Variants in OPA1 observed in about 807,000 individuals in gnomAD.
OPA1 encodes the protein OPA1 mitochondrial dynamin like GTPase.
A neutral mutation model predicts 152.9 loss-of-function variants in OPA1; 59 were observed. The observed-to-expected ratio is 0.39, with a 90% CI of 0.31 to 0.48. The LOEUF (loss-of-function observed/expected upper bound fraction) is 0.48, where lower values mean the gene tolerates loss of function less well. Among genes scored for constraint, OPA1 ranks in the 20% least tolerant of loss-of-function variants. The pLI is 0.96. For synonymous variants in OPA1, 400 were observed against 389.9 expected, an observed-to-expected ratio of 1.03 and a Z score of -0.31; for missense variants, 1,008 against 1,216.8, an observed-to-expected ratio of 0.83 and a Z score of 2.55.
At chr3:193,648,687 C>A in intron 20 of OPA1, 108 bp from the exon 21 acceptor site, 1 of 767,516 alleles carries the variant, frequency 1.3e-6, no homozygotes, top group South Asian at 1.5e-5. Flanking sequence ...ATAATTAAAC[C>A]CAAATTCAGC....
At chr3:193,656,042 G>A (rs1209509749) in intron 22 of OPA1, among the ~76,000 whole-genome samples, 4 of 152,058 alleles carry the variant, frequency 2.6e-5, no homozygotes, top group African/African-American at 7.2e-5. Context: ...TAAGTTGCAC[G>A]TTGCTGAGCC....
chr3:193,643,384 A>G lies in OPA1; in HGVS notation c.1317A>G (p.Leu439=). The G allele has an allele frequency of 6.2e-7, 1 of 1,609,444 alleles. No homozygotes were observed. Among genetic ancestry groups the G allele is most frequent in the Non-Finnish European group, 8.5e-7 (1 of 1,175,784 alleles). ...GCTVSPETIS[L]NVKGPGLQRM... ...TTTTTCCTGAGTAGACCATATCCTT[A>G]AATGTAAAAGGCCCTGGACTACAGA... The change falls in exon 14 of 31, where the codon TTA becomes TTG. Residue 439 remains leucine (L), a synonymous_variant. Transcript: ENST00000361510.
chr3:193,688,219 C>G (rs1292144758), intron 29 of OPA1, among the ~76,000 whole-genome samples: 1 of 152,088 alleles, frequency 6.6e-6, no homozygotes, highest in Admixed American at 6.6e-5. Context: ...ACGCAGTGAT[C>G]AGGCCTTGTT....
chr3:193,639,749 A>G (rs1235126566), intron 11 of OPA1, among the ~76,000 whole-genome samples: 1 of 152,270 alleles, frequency 6.6e-6, no homozygotes, highest in Admixed American at 6.5e-5. Flanking sequence ...TTTTGAAAAT[A>G]GTTGTAGCCA....
intron 21 of OPA1, among the ~76,000 whole-genome samples, chr3:193,651,150 G>A (rs1321032815): frequency 6.6e-6 from 1 of 152,132 alleles, no homozygotes; most frequent in Non-Finnish European, 1.5e-5. Context: ...ATATTCAGAA[G>A]CTTAGTGTGT....
chr3:193,670,734 A>C (rs528001085), intron 29 of OPA1, among the ~76,000 whole-genome samples: 87 of 152,302 alleles, frequency 5.7e-4, no homozygotes, highest in African/African-American at 2.0e-3. Flanking sequence ...TGGAGAAGAT[A>C]TACTGTGTTC....
chr3:193,636,704 T>A (rs1456356228), intron 9 of OPA1, among the ~76,000 whole-genome samples: 1 of 152,212 alleles, frequency 6.6e-6, no homozygotes, highest in Admixed American at 6.5e-5. Context: ...CAGTGGATAC[T>A]TAACCACCCT....
intron 26 of OPA1, among the ~76,000 whole-genome samples, chr3:193,663,704 T>C (rs899279238): frequency 1.3e-5 from 2 of 152,110 alleles, no homozygotes; most frequent in African/African-American, 4.8e-5. Context: ...CTTTTAAAGA[T>C]TATGTGCTAT....
chr3:193,646,780 TAATAA>T (rs983802981), intron 18 of OPA1, among the ~76,000 whole-genome samples: 9 of 152,122 alleles, frequency 5.9e-5, no homozygotes, highest in Admixed American at 1.3e-4. Context: ...TTCAAAAAAA[TAATAA>T]AATAAAATAT....
intron 1 of OPA1, among the ~76,000 whole-genome samples, chr3:193,606,655 C>T (rs940877459): frequency 1.6e-4 from 24 of 152,180 alleles, no homozygotes; most frequent in African/African-American, 5.8e-4. Context: ...TTTTCTTAAT[C>T]CAGTCTATCA....
At chr3:193,635,023 G>A (rs528265484) in intron 8 of OPA1, among the ~76,000 whole-genome samples, 2 of 152,224 alleles carry the variant, frequency 1.3e-5, no homozygotes, top group East Asian at 3.9e-4. Context: ...TGTGAAGAAA[G>A]GGAAGAATTT....
chr3:193,684,912 A>C (rs1720725528), intron 29 of OPA1, among the ~76,000 whole-genome samples: 1 of 152,184 alleles, frequency 6.6e-6, no homozygotes, highest in Non-Finnish European at 1.5e-5. Flanking sequence ...AATAGGCCTT[A>C]AAATATGTAG....
intron 6 of OPA1, among the ~76,000 whole-genome samples, chr3:193,619,921 T>C (rs151331524): frequency 1.1e-3 from 168 of 152,338 alleles, no homozygotes; most frequent in African/African-American, 3.8e-3. Context: ...AAAAGATTTT[T>C]TTCTTTTGCC....
chr3:193,615,551 C>T (rs1728887186), intron 2 of OPA1, 123 bp from the exon 3 acceptor site: 2 of 715,900 alleles, frequency 2.8e-6, no homozygotes, highest in Admixed American at 2.0e-5. Context: ...AATTTTGTTT[C>T]TTAAAAGTTT....
intron 11 of OPA1, among the ~76,000 whole-genome samples, chr3:193,642,128 AAAAC>A (rs1340958511): frequency 6.6e-6 from 1 of 152,224 alleles, no homozygotes; most frequent in East Asian, 1.9e-4. Context: ...AACAAACAAA[AAAAC>A]AAACAAAACA....
At position 193,640,457 on chromosome 3, in the gene OPA1, G is replaced by A. The variant is rs117388348; in HGVS notation, c.1150-2308G>A. 3.2e-3 allele frequency among the ~76,000 whole-genome samples: 495 copies of A among 152,316 alleles called. 3 individuals carry two copies. Among genetic ancestry groups the A allele is most frequent in the South Asian group, 0.017 (81 of 4,818 alleles). On this transcript the variant is annotated intron_variant, in intron 11 of 30. Coordinates refer to ENST00000361510, the MANE Select transcript of OPA1 (RefSeq NM_130837.3). ...AGGAAGGTGAACATAGAAACCAGTCGTTGAGTTCACCAGTGGAGGCAAGAA... is the reference window on the plus strand; with the variant it reads ...AGGAAGGTGAACATAGAAACCAGTCATTGAGTTCACCAGTGGAGGCAAGAA...
chr3:193,631,870 A>G, intron 8 of OPA1: 1 of 598,684 alleles, frequency 1.7e-6, no homozygotes, highest in Non-Finnish European at 3.0e-6. Context: ...ACTCATTTAT[A>G]TGTAAAAACC....
intron 6 of OPA1, among the ~76,000 whole-genome samples, chr3:193,621,494 G>T (rs1005873805): frequency 6.6e-6 from 1 of 152,192 alleles, no homozygotes; most frequent in Admixed American, 6.5e-5. Context: ...ACATAATGCT[G>T]CACAGGCTAA....
chr3:193,680,363 GTTTGTC>G (rs1245332441), intron 29 of OPA1, among the ~76,000 whole-genome samples: 3 of 152,156 alleles, frequency 2.0e-5, no homozygotes, highest in Non-Finnish European at 4.4e-5. Context: ...GAGGAACAGC[GTTTGTC>G]TTTGTAACAG....
Sources: allele counts gnomAD v4.1 joint callset (sites outside exome capture counted in the v4.1 genomes callset), GRCh38; gene constraint gnomAD v4.1.1; transcripts MANE v1.5; gene names NCBI Gene and HGNC (gene_info 2026-07-23, HGNC 2026-07-21).